DRC4: variants seen among roughly 807,000 people sequenced by gnomAD.
DRC4 encodes dynein regulatory complex subunit 4.
At chr16:90,027,294 T>C in the DRC4 span, among the ~76,000 whole-genome samples, 1 of 151,824 alleles carries the variant, frequency 6.6e-6, no homozygotes. Context: ...TTCACTGTGT[T>C]AGCCGGGATG....
At chr16:90,027,544 C>A in the DRC4 span, 2 of 1,308,322 alleles carry the variant, frequency 1.5e-6, no homozygotes, top group Admixed American at 1.7e-5. Flanking sequence ...GGTTCCAGAA[C>A]CTTCTCTGCC....
chr16:90,040,338 C>T, the DRC4 span: 85,821 of 1,601,376 alleles, frequency 0.054, 2,686 homozygotes, highest in Non-Finnish European at 0.062. Flanking sequence ...GGAAGTTCAC[C>T]GCAGCCATCC....
the DRC4 span, chr16:90,043,335 C>A: frequency 9.4e-6 from 15 of 1,595,280 alleles, no homozygotes; most frequent in African/African-American, 1.5e-5. Flanking sequence ...CTGGTGGGCA[C>A]CCCGACGTAG....
chr16:90,035,933 A>C, the DRC4 span: 1 of 1,419,980 alleles, frequency 7.0e-7, no homozygotes, highest in South Asian at 1.5e-5. Flanking sequence ...AGCTAAAATC[A>C]GTAGTTATCA....
chr16:90,038,080 A>G, the DRC4 span, among the ~76,000 whole-genome samples: 3 of 152,236 alleles, frequency 2.0e-5, no homozygotes, highest in African/African-American at 7.2e-5. Context: ...GCAGCTTCTA[A>G]GAGGCAAAAA....
At chr16:90,036,512 G>C in the DRC4 span, 1 of 1,613,470 alleles carries the variant, frequency 6.2e-7, no homozygotes, top group Non-Finnish European at 8.5e-7. Flanking sequence ...GCGCCACGAG[G>C]AGGCCTTCAC....
chr16:90,024,942 AAGG>A, the DRC4 span, among the ~76,000 whole-genome samples: 1 of 152,122 alleles, frequency 6.6e-6, no homozygotes, highest in African/African-American at 2.4e-5. Flanking sequence ...TCCTTGGACC[AAGG>A]AATATGGGTG....
chr16:90,040,413 C>G, the DRC4 span: 2 of 1,612,208 alleles, frequency 1.2e-6, no homozygotes, highest in African/African-American at 2.7e-5. Flanking sequence ...AGGCTCTGAG[C>G]GCCGCTGTGG....
chr16:90,041,816 A>G, the DRC4 span, among the ~76,000 whole-genome samples: 2 of 152,256 alleles, frequency 1.3e-5, 1 homozygote, highest in Middle Eastern at 6.8e-3. Flanking sequence ...AAAGTGAGAT[A>G]GTACATTCAC....
chr16:90,024,106 C>G, the DRC4 span, among the ~76,000 whole-genome samples: 1 of 128,698 alleles, frequency 7.8e-6, no homozygotes. Context: ...ATGGTGAAAC[C>G]CTGTCTTTAC....
chr16:90,041,313 G>T, the DRC4 span, among the ~76,000 whole-genome samples: 2 of 152,176 alleles, frequency 1.3e-5, no homozygotes, highest in East Asian at 3.9e-4. Context: ...AGAGGCCCCC[G>T]CAGGGACACT....
At chr16:90,020,043 G>C in the DRC4 span, 2 of 689,232 alleles carry the variant, frequency 2.9e-6, no homozygotes, top group African/African-American at 1.8e-5. Flanking sequence ...CTATCGCCCA[G>C]ATTCAGCGAT....
At chr16:90,040,504 C>T in the DRC4 span, 1 of 1,598,696 alleles carries the variant, frequency 6.3e-7, no homozygotes, top group Non-Finnish European at 8.5e-7. Context: ...GTCCCGCAAG[C>T]TGGAGGTAGG....
chr16:90,030,665 G>A, the DRC4 span, among the ~76,000 whole-genome samples: 4 of 152,144 alleles, frequency 2.6e-5, no homozygotes, highest in Non-Finnish European at 5.9e-5. Context: ...CACCCAGGCT[G>A]GAGTGTAGTG....
the DRC4 span, chr16:90,028,885 G>C: frequency 5.0e-6 from 6 of 1,202,466 alleles, no homozygotes; most frequent in African/African-American, 9.4e-5. Flanking sequence ...CCTGAAGTTG[G>C]AGCTAGGCAG....
the DRC4 span, among the ~76,000 whole-genome samples, chr16:90,033,403 C>A: frequency 6.6e-6 from 1 of 152,190 alleles, no homozygotes; most frequent in Admixed American, 6.5e-5. Flanking sequence ...GTGGCTCACA[C>A]CCAAAATCCC....
the DRC4 span, among the ~76,000 whole-genome samples, chr16:90,040,907 G>T: frequency 6.6e-6 from 1 of 152,114 alleles, no homozygotes; most frequent in African/African-American, 2.4e-5. Context: ...GTGGGACCCT[G>T]GTCATCTGGG....
the DRC4 span, chr16:90,040,253 C>T: frequency 6.5e-7 from 1 of 1,528,112 alleles, no homozygotes; most frequent in Non-Finnish European, 8.8e-7. Flanking sequence ...AGCGAGATGT[C>T]CCCAGGTGAG....
chr16:90,028,792 G>T, the DRC4 span: 1 of 612,054 alleles, frequency 1.6e-6, no homozygotes, highest in Non-Finnish European at 2.4e-6. Flanking sequence ...TGTCAACTCT[G>T]TGTTATTGTT....
Sources: gnomAD v4.1 joint callset for allele counts (sites outside exome capture counted in the v4.1 genomes callset) on GRCh38, gnomAD v4.1.1 for gene constraint, MANE v1.5 for transcripts, NCBI Gene and HGNC (gene_info 2026-07-23, HGNC 2026-07-21) for gene names.